The following C12orf42 variants were observed in gnomAD, a reference collection of about 807,000 sequenced individuals.
The protein encoded by C12orf42 is uncharacterized protein C12orf42.
A neutral mutation model predicts 21.6 loss-of-function variants in C12orf42; 25 were observed. The ratio of observed to expected loss-of-function variants is 1.16; its 90% CI spans 0.84 to 1.62. The LOEUF is 1.62. Among genes scored for constraint, C12orf42 ranks in the 40% most tolerant of loss-of-function variants. C12orf42 has a pLI of 0.00. For missense variants in C12orf42, 483 were observed against 459.3 expected, an observed-to-expected ratio of 1.05 and a Z score of -0.47; for synonymous variants, 174 against 175.0, an observed-to-expected ratio of 0.99 and a Z score of 0.05.
the C12orf42 span, among the ~76,000 whole-genome samples, chr12:103,205,218 G>A: frequency 1.3e-5 from 2 of 152,228 alleles, no homozygotes; most frequent in African/African-American, 4.8e-5. Flanking sequence ...AAAGTTGAAA[G>A]TATGTATAGC....
chr12:103,209,254 AAAG>A, the C12orf42 span, among the ~76,000 whole-genome samples: 837 of 152,314 alleles, frequency 5.5e-3, 5 homozygotes, highest in African/African-American at 0.019. Context: ...ATTTGAATAG[AAAG>A]TTGTTTACCT....
chr12:103,068,096 TAC>T, the C12orf42 span, among the ~76,000 whole-genome samples: 1 of 152,066 alleles, frequency 6.6e-6, no homozygotes, highest in African/African-American at 2.4e-5. Context: ...GCAAAGATAA[TAC>T]AGAGTGGGTA....
intron 10 of C12orf42, among the ~76,000 whole-genome samples, chr12:103,260,695 C>G (rs1461718326): frequency 6.6e-6 from 1 of 152,198 alleles, no homozygotes; most frequent in Non-Finnish European, 1.5e-5. Context: ...CCAAAAAGAT[C>G]TTCAGAGCGA....
the C12orf42 span, among the ~76,000 whole-genome samples, chr12:103,112,898 C>T: frequency 6.6e-6 from 1 of 152,164 alleles, no homozygotes; most frequent in Non-Finnish European, 1.5e-5. Context: ...AGTGCTGTAC[C>T]TGCTGGCCTA....
At chr12:103,427,041 C>T (rs1949873623) in intron 2 of C12orf42, among the ~76,000 whole-genome samples, 1 of 152,110 alleles carries the variant, frequency 6.6e-6, no homozygotes, top group African/African-American at 2.4e-5. Context: ...TCTGAAGAAA[C>T]TGTATCAACT....
intron 4 of C12orf42, among the ~76,000 whole-genome samples, chr12:103,337,346 T>TTTTG (rs143883863): frequency 2.3e-4 from 35 of 152,068 alleles, no homozygotes; most frequent in South Asian, 2.1e-4. Flanking sequence ...GGCAAGGTTT[T>TTTTG]TTTGTTTGTT....
Position 103,327,070 on chromosome 12 carries a change from A to G in C12orf42, c.260-20725T>C, listed in dbSNP as rs979340800. ...ATATGTAGGAGTATAAGAAATAGTT[A>G]CATTCCTGGCAGGGAGGGGACGAGG... On this transcript the variant is annotated intron_variant, in intron 4 of 5. Transcript: ENST00000548883. Among the ~76,000 whole-genome samples the G allele has an allele frequency of 2.0e-5, 3 of 152,218 alleles. No individual in the cohort carries two copies. The South Asian group carries it at 6.2e-4, about 32-fold the overall frequency.
At chr12:103,073,589 C>A in the C12orf42 span, among the ~76,000 whole-genome samples, 3 of 151,974 alleles carry the variant, frequency 2.0e-5, no homozygotes, top group Admixed American at 6.6e-5. Context: ...AGAGAATTTG[C>A]AGAGATATTA....
At chr12:103,369,720 T>C (rs1484865072) in intron 3 of C12orf42, among the ~76,000 whole-genome samples, 1 of 151,864 alleles carries the variant, frequency 6.6e-6, no homozygotes, top group Non-Finnish European at 1.5e-5. Context: ...AAAGTAAGGA[T>C]CCAATTTGAT....
intron 2 of C12orf42, among the ~76,000 whole-genome samples, chr12:103,435,694 T>C (rs1353093033): frequency 8.0e-5 from 12 of 150,298 alleles, no homozygotes; most frequent in Middle Eastern, 3.4e-3. Context: ...GAAGGGAAGT[T>C]TAGAGAAAAA....
At chr12:103,273,161 T>C (rs2136272217) in intron 5 of C12orf42, among the ~76,000 whole-genome samples, 1 of 152,306 alleles carries the variant, frequency 6.6e-6, no homozygotes, top group East Asian at 1.9e-4. Context: ...TCTAGGACCA[T>C]CTGGGAGCTA....
At chr12:103,153,038 A>G in the C12orf42 span, among the ~76,000 whole-genome samples, 1 of 152,274 alleles carries the variant, frequency 6.6e-6, no homozygotes, top group African/African-American at 2.4e-5. Context: ...CAAAAAGAGC[A>G]AAAAAAGGTA....
chr12:103,479,626 T>C (rs1323840768), intron 1 of C12orf42, among the ~76,000 whole-genome samples: 1 of 152,090 alleles, frequency 6.6e-6, no homozygotes, highest in Non-Finnish European at 1.5e-5. Flanking sequence ...TCCTAGTTTG[T>C]AGAAGTTTTT....
At chr12:103,538,293 G>T in the C12orf42 span, among the ~76,000 whole-genome samples, 42 of 152,226 alleles carry the variant, frequency 2.8e-4, no homozygotes, top group African/African-American at 1.0e-3. Context: ...TGCTGAAGAG[G>T]TAAAAGATTT....
intron 4 of C12orf42, among the ~76,000 whole-genome samples, chr12:103,332,602 A>G (rs896398003): frequency 6.6e-6 from 1 of 152,226 alleles, no homozygotes; most frequent in Non-Finnish European, 1.5e-5. Flanking sequence ...GATCAATAGG[A>G]GCTTCTTAAA....
chr12:103,544,354 A>G, the C12orf42 span, among the ~76,000 whole-genome samples: 3 of 152,126 alleles, frequency 2.0e-5, no homozygotes, highest in South Asian at 2.1e-4. Context: ...GACTTTCATC[A>G]TTGCTATCCA....
chr12:103,310,910 C>T (rs1256360292), intron 4 of C12orf42, among the ~76,000 whole-genome samples: 1 of 152,196 alleles, frequency 6.6e-6, no homozygotes, highest in East Asian at 1.9e-4. Context: ...ACAAACAACA[C>T]TAGAACCAAT....
intron 2 of C12orf42, among the ~76,000 whole-genome samples, chr12:103,467,645 A>G (rs1381277123): frequency 6.6e-6 from 1 of 152,204 alleles, no homozygotes; most frequent in African/African-American, 2.4e-5. Flanking sequence ...CCCAAATATC[A>G]AGAGGACTTT....
intron 1 of C12orf42, 146 bp downstream of exon 1, chr12:103,495,756 C>T (rs982288565): frequency 6.6e-6 from 1 of 152,376 alleles, no homozygotes; most frequent in African/African-American, 2.4e-5. Flanking sequence ...GCGACGGGTT[C>T]CGCCGCTTGC....
Sources: gnomAD v4.1 joint callset for allele counts (sites outside exome capture counted in the v4.1 genomes callset) on GRCh38, gnomAD v4.1.1 for gene constraint, MANE v1.5 for transcripts, NCBI Gene and HGNC (gene_info 2026-07-23, HGNC 2026-07-21) for gene names.